The following DLG2 variants were observed in gnomAD, a reference collection of about 807,000 sequenced individuals.
DLG2 encodes disks large homolog 2.
Under a neutral mutation model 132.5 loss-of-function variants are expected in DLG2, and 45 were observed. The observed-to-expected ratio is 0.34, with a 90% confidence interval of 0.27 to 0.44. The LOEUF (loss-of-function observed/expected upper bound fraction) is 0.44. DLG2 is among the 20% of genes least tolerant of loss of function. The probability of loss-of-function intolerance (pLI) is 1.00; values close to 1 mark genes in which losing one functional copy is unlikely to be tolerated. For missense variants in DLG2, 1,045 were observed against 1,196.9 expected (o/e 0.87, Z 1.87); for synonymous variants, 424 against 419.6 (o/e 1.01, Z -0.13).
At chr11:85,306,995 T>C (rs951989525) in intron 3 of DLG2, among the ~76,000 whole-genome samples, 1 of 152,184 alleles carries the variant, frequency 6.6e-6, no homozygotes, top group African/African-American at 2.4e-5. Context: ...GTCAATGTCA[T>C]CTCAAGAAGA....
intron 2 of DLG2, among the ~76,000 whole-genome samples, chr11:85,616,857 G>T (rs887142033): frequency 6.6e-6 from 1 of 152,110 alleles, no homozygotes; most frequent in African/African-American, 2.4e-5. Flanking sequence ...AGACATTCTA[G>T]AAAAAGGTAA....
intron 4 of DLG2, among the ~76,000 whole-genome samples, chr11:85,263,810 C>T (rs553168454): frequency 5.1e-4 from 77 of 152,260 alleles, no homozygotes; most frequent in East Asian, 1.5e-3. Flanking sequence ...GGTCCCCATA[C>T]GGGTCACCAA....
At chr11:84,636,927 G>T (rs1013401081) in intron 6 of DLG2, among the ~76,000 whole-genome samples, 4 of 151,234 alleles carry the variant, frequency 2.6e-5, no homozygotes, top group African/African-American at 9.8e-5. Flanking sequence ...GATTACAGGT[G>T]CCCACCACCA....
At chr11:85,071,297 G>A (rs902047890) in intron 6 of DLG2, among the ~76,000 whole-genome samples, 3 of 151,786 alleles carry the variant, frequency 2.0e-5, no homozygotes, top group East Asian at 1.9e-4. Context: ...TTAGGATGAC[G>A]CAGTCACTGG....
intron 8 of DLG2, among the ~76,000 whole-genome samples, chr11:84,195,226 C>T (rs568304516): frequency 3.0e-3 from 464 of 152,276 alleles, no homozygotes; most frequent in Non-Finnish European, 4.4e-3. Context: ...TGCAGTGGTG[C>T]GGTCTCAGCT....
chr11:84,759,016 T>C (rs936384115), intron 6 of DLG2, among the ~76,000 whole-genome samples: 1 of 152,114 alleles, frequency 6.6e-6, no homozygotes, highest in Admixed American at 6.5e-5. Flanking sequence ...TATCTGGAAC[T>C]ACAGGCACGC....
chr11:84,183,143 G>A (rs2096185787), intron 8 of DLG2, among the ~76,000 whole-genome samples: 1 of 152,072 alleles, frequency 6.6e-6, no homozygotes, highest in Admixed American at 6.6e-5. Context: ...GGGTTCAAAG[G>A]TGAATCCTAA....
intron 6 of DLG2, among the ~76,000 whole-genome samples, chr11:84,758,073 T>A (rs960479155): frequency 5.9e-5 from 9 of 152,250 alleles, no homozygotes; most frequent in Non-Finnish European, 1.3e-4. Context: ...TTATCACTTG[T>A]AAATCTGAAT....
chr11:84,526,597 C>T (rs2099321255), intron 7 of DLG2, among the ~76,000 whole-genome samples: 1 of 152,058 alleles, frequency 6.6e-6, no homozygotes, highest in African/African-American at 2.4e-5. Flanking sequence ...AGCACATTCA[C>T]ATAACTTTTA....
At chr11:84,500,691 T>C (rs1215943278) in intron 7 of DLG2, among the ~76,000 whole-genome samples, 1 of 152,134 alleles carries the variant, frequency 6.6e-6, no homozygotes, top group Non-Finnish European at 1.5e-5. Flanking sequence ...GACAAAAAAG[T>C]AGAAGATATG....
chr11:84,512,869 C>T (rs1055656691), intron 7 of DLG2, among the ~76,000 whole-genome samples: 2 of 151,998 alleles, frequency 1.3e-5, no homozygotes, highest in African/African-American at 4.8e-5. Flanking sequence ...CCATCATTCT[C>T]AGCAAACTGA....
chr11:84,047,808 G>A (rs1011013982), intron 11 of DLG2, among the ~76,000 whole-genome samples: 1 of 151,514 alleles, frequency 6.6e-6, no homozygotes, highest in African/African-American at 2.4e-5. Flanking sequence ...GACAGGAGTG[G>A]CATCATTCAT....
At chr11:84,229,250 GA>G (rs2097055958) in intron 8 of DLG2, among the ~76,000 whole-genome samples, 1 of 152,128 alleles carries the variant, frequency 6.6e-6, no homozygotes, top group Non-Finnish European at 1.5e-5. Flanking sequence ...CGAACACAGA[GA>G]AAGAAAATCA....
chr11:85,250,917 C>A (rs552220275), intron 4 of DLG2, among the ~76,000 whole-genome samples: 1 of 152,144 alleles, frequency 6.6e-6, no homozygotes, highest in Non-Finnish European at 1.5e-5. Flanking sequence ...ATTCTGACTT[C>A]TCCTCCATTA....
chr11:85,619,077 T>C (rs1256653366), intron 2 of DLG2, among the ~76,000 whole-genome samples: 1 of 152,262 alleles, frequency 6.6e-6, no homozygotes, highest in African/African-American at 2.4e-5. Flanking sequence ...AAAAGTATTC[T>C]TCTATTTCTC....
intron 7 of DLG2, among the ~76,000 whole-genome samples, chr11:84,510,123 T>TATTATTATG (rs1554982195): frequency 2.0e-5 from 3 of 147,454 alleles, no homozygotes; most frequent in African/African-American, 7.4e-5. Context: ...TTATTATTAT[T>TATTATTATG]ATGTTAATCA....
At chr11:84,685,851 T>C (rs1020747461) in intron 6 of DLG2, among the ~76,000 whole-genome samples, 9 of 151,994 alleles carry the variant, frequency 5.9e-5, no homozygotes, top group African/African-American at 2.2e-4. Context: ...GACCACAGAC[T>C]AATTTTTTGT....
rs751041092 is a variant in DLG2, at chr11:85,154,615, A to G, written c.223T>C (p.Cys75Arg). The G allele has an allele frequency of 4.6e-6, 7 of 1,537,744 alleles. No individual in the cohort carries two copies. Among genetic ancestry groups the G allele is most frequent in the Admixed American group, 3.9e-5 (2 of 50,646 alleles). The change falls in exon 5 of 28, where the codon TGT (cysteine) becomes CGT (arginine). Residue 75 changes from cysteine (C) to arginine (R), a missense_variant. Cys to Arg is a radical substitution (Grantham distance 180). Around this residue, in one of 4 missense-constraint regions of DLG2, gnomAD observed 277 missense variants for 238.2 expected, o/e 1.16. Transcript: ENST00000376104. ...TGATTTTCTTTATTTTGCTCAATAC[A>G]TGAAGCATTTTCCTTTGATCCACTG... ...DCSGSKENAS[C>R]IEQNKENQSF...
intron 3 of DLG2, among the ~76,000 whole-genome samples, chr11:85,308,204 A>AC: frequency 6.6e-6 from 1 of 151,024 alleles, no homozygotes; most frequent in East Asian, 1.9e-4. Flanking sequence ...ATAAAACAAG[A>AC]AAGAAAAGGT....
Sources: gnomAD v4.1 joint callset for allele counts (sites outside exome capture counted in the v4.1 genomes callset) on GRCh38, gnomAD v4.1.1 for gene constraint, gnomAD v4.1.1 regional missense constraint, MANE v1.5 for transcripts, NCBI Gene and HGNC (gene_info 2026-07-23, HGNC 2026-07-21) for gene names.